The following VSIG1 variants were observed in gnomAD, a reference collection of about 807,000 sequenced individuals.
VSIG1 encodes the protein V-set and immunoglobulin domain-containing protein 1.
VSIG1 carries 11 observed loss-of-function variants against 20.1 expected under a neutral mutation model. That is an observed-to-expected ratio of 0.55 (90% confidence interval 0.34 to 0.91). The LOEUF is 0.91. Ranked by LOEUF, VSIG1 falls within the 40% of genes least tolerant of loss-of-function variation. VSIG1 has a pLI of 0.02. For synonymous variants in VSIG1, 126 were observed against 116.7 expected (o/e 1.08, Z -0.52); for missense variants, 283 against 298.8 (o/e 0.95, Z 0.39).
At chrX:108,046,400 G>A (rs1486561050) in intron 1 of VSIG1, among the ~76,000 whole-genome samples, 1 of 111,392 alleles carries the variant, frequency 9.0e-6, no homozygotes, top group African/African-American at 3.3e-5. Flanking sequence ...AGATATGGAA[G>A]TTTTGTCTCT....
intron 5 of VSIG1, among the ~76,000 whole-genome samples, chrX:108,075,061 C>A (rs1479098646): frequency 8.9e-6 from 1 of 111,912 alleles, no homozygotes; most frequent in Non-Finnish European, 1.9e-5. Context: ...TGTTCCTCAG[C>A]TGTGAACAAT....
chrX:108,036,918 A>G, the VSIG1 span, among the ~76,000 whole-genome samples: 2 of 112,008 alleles, frequency 1.8e-5, no homozygotes, highest in East Asian at 5.6e-4. Context: ...ACAACATCAC[A>G]GAGCTCACTT....
At chrX:108,076,921 C>A in intron 6 of VSIG1, 127 bp from the exon 7 acceptor site, 1 of 674,079 alleles carries the variant, frequency 1.5e-6, no homozygotes, top group Admixed American at 3.5e-5. Flanking sequence ...GTCAGAATAT[C>A]AGAAATAACA....
rs1354040879 is a variant in VSIG1 at position 108,078,448 on chromosome X, G to A, written c.*1067G>A. ...CTACTAAAAATACAAAAATTAGCTG[G>A]GCGTGGTAGTGCATGCCTGTAATCC... On this transcript the variant is annotated 3_prime_UTR_variant, in exon 7 of 7. Coordinates refer to ENST00000217957, the MANE Select transcript of VSIG1 (RefSeq NM_182607.5). 9.0e-6 allele frequency: 1 copy of A among 111,700 alleles called. No individual in the cohort carries two copies. Among genetic ancestry groups the A allele is most frequent in the African/African-American group, 3.3e-5 (1 of 30,696 alleles). 9.2% of individuals were successfully genotyped at this position (111,700 alleles called of 1,213,427 possible).
rs754678933 is a variant in VSIG1, at chrX:108,077,066, C to A, written c.849C>A (p.Asn283Lys). ...IAELEPMTKI[N>K]PRGESEAMPR... ...CTTGCAGGCCAATGACAAAGATAAACCCAAGGGGAGAAAGCGAAGCAATGC... is the reference window on the plus strand; with the variant it reads ...CTTGCAGGCCAATGACAAAGATAAAACCAAGGGGAGAAAGCGAAGCAATGC... The change falls in exon 7 of 7, where the codon AAC becomes AAA. Residue 283 changes from asparagine to lysine, a missense_variant. Coordinates refer to ENST00000217957, the MANE Select transcript of VSIG1 (RefSeq NM_182607.5). 11 of 1,209,081 alleles carry A rather than the reference C, an allele frequency of 9.1e-6. No homozygotes were observed. The South Asian group carries it at 1.1e-4, about 12-fold the overall frequency.
the VSIG1 span, among the ~76,000 whole-genome samples, chrX:108,036,483 G>A: frequency 9.0e-6 from 1 of 111,165 alleles, no homozygotes; most frequent in Non-Finnish European, 1.9e-5. Context: ...TACATAATAG[G>A]TTGAGTCACA....
chrX:108,066,771 A>T (rs1452193302), intron 2 of VSIG1, among the ~76,000 whole-genome samples, 165 bp from the exon 3 acceptor site: 1 of 111,804 alleles, frequency 8.9e-6, no homozygotes, highest in African/African-American at 3.3e-5. Flanking sequence ...TGAGCAAACT[A>T]AAGTGCCCCA....
At chrX:108,024,739 C>T in the VSIG1 span, among the ~76,000 whole-genome samples, 1 of 110,602 alleles carries the variant, frequency 9.0e-6, no homozygotes, top group African/African-American at 3.3e-5. Context: ...GTTTAGTTTT[C>T]ACTTAGTTGT....
chrX:108,047,447 A>G (rs1330210249), intron 1 of VSIG1, among the ~76,000 whole-genome samples: 1 of 111,054 alleles, frequency 9.0e-6, no homozygotes, highest in Non-Finnish European at 1.9e-5. Context: ...TCTTAGAAAG[A>G]TATGTTAATG....
At chrX:108,031,500 G>GGA in the VSIG1 span, among the ~76,000 whole-genome samples, 1 of 111,860 alleles carries the variant, frequency 8.9e-6, no homozygotes, top group Non-Finnish European at 1.9e-5. Flanking sequence ...TTGACAAACT[G>GGA]GAGAGCCAGA....
chrX:108,047,819 T>C (rs1452222305), intron 1 of VSIG1, among the ~76,000 whole-genome samples: 9 of 58,273 alleles, frequency 1.5e-4, no homozygotes, highest in Admixed American at 3.5e-4. Context: ...CATATATATA[T>C]ACATATATAT....
chrX:108,076,285 C>T (rs772820694), intron 6 of VSIG1, 67 bp downstream of exon 6: 3 of 1,119,268 alleles, frequency 2.7e-6, no homozygotes, highest in African/African-American at 1.8e-5. Flanking sequence ...TTTCAGTCAT[C>T]AATTCCTAAG....
chrX:108,019,770 G>T, the VSIG1 span, among the ~76,000 whole-genome samples: 1 of 112,050 alleles, frequency 8.9e-6, no homozygotes, highest in African/African-American at 3.3e-5. Flanking sequence ...TTGGGGGTTT[G>T]TGGGACCCAG....
rs186091970 is a variant in VSIG1 at position 108,056,797 on chromosome X, T to C, written c.50-1241T>C. ...ATTTGGTGGTGGTGAGGGGAATGTATAAAGGTACAGTCATTCTGGAAAACA... is the reference window on the plus strand; with the variant it reads ...ATTTGGTGGTGGTGAGGGGAATGTACAAAGGTACAGTCATTCTGGAAAACA... On this transcript the variant is annotated intron_variant, in intron 1 of 6. Transcript: ENST00000217957. Among the ~76,000 whole-genome samples the C allele has an allele frequency of 3.0e-3, 341 of 112,402 alleles. 1 individual carries two copies. The highest frequency in any genetic ancestry group is 0.014 in the Middle Eastern group (3 of 217).
intron 1 of VSIG1, among the ~76,000 whole-genome samples, chrX:108,048,548 A>G (rs971207582): frequency 8.9e-6 from 1 of 112,219 alleles, no homozygotes; most frequent in Non-Finnish European, 1.9e-5. Flanking sequence ...ATCAGATACT[A>G]ATCTTTACTT....
At chrX:108,030,336 G>A in the VSIG1 span, among the ~76,000 whole-genome samples, 1 of 111,897 alleles carries the variant, frequency 8.9e-6, no homozygotes, top group Admixed American at 9.5e-5. Context: ...CCTTTCCAAA[G>A]AATCAAAACA....
At chrX:108,041,747 T>A (rs1171521737), upstream of VSIG1, among the ~76,000 whole-genome samples, 1 of 107,223 alleles carries the variant, frequency 9.3e-6, no homozygotes, top group Non-Finnish European at 1.9e-5. Context: ...CAAAATGTAT[T>A]ACTTTTGTAA....
upstream of VSIG1, among the ~76,000 whole-genome samples, chrX:108,041,560 G>C (rs1277995028): frequency 1.9e-5 from 1 of 53,576 alleles, no homozygotes; most frequent in Non-Finnish European, 4.7e-5. Context: ...CCTCGTGTGT[G>C]TGTGTGTGTG....
intron 2 of VSIG1, among the ~76,000 whole-genome samples, chrX:108,064,321 AC>A (rs2031086274): frequency 9.0e-6 from 1 of 111,256 alleles, no homozygotes; most frequent in Non-Finnish European, 1.9e-5. Context: ...TGTCTCTAAT[AC>A]CTTTTAGTGT....
Sources: gnomAD v4.1 joint callset for allele counts (sites outside exome capture counted in the v4.1 genomes callset) on GRCh38, gnomAD v4.1.1 for gene constraint, MANE v1.5 for transcripts, NCBI Gene and HGNC (gene_info 2026-07-23, HGNC 2026-07-21) for gene names.